STX8: variants seen among roughly 807,000 people sequenced by gnomAD.
The protein encoded by STX8 is syntaxin-8.
In STX8, 23 loss-of-function variants were observed where a neutral mutation model predicts 37.5. That is an observed-to-expected ratio of 0.61 (90% confidence interval 0.44 to 0.87). The LOEUF (loss-of-function observed/expected upper bound fraction) is 0.87, where lower values mean the gene tolerates loss of function less well. Ranked by LOEUF, STX8 falls within the 40% of genes least tolerant of loss-of-function variation. The pLI, the probability that STX8 is intolerant of heterozygous loss-of-function variation, is 0.00. For missense variants in STX8, 313 were observed against 284.7 expected, an observed-to-expected ratio of 1.10 and a Z score of -0.71; for synonymous variants, 115 against 99.1, an observed-to-expected ratio of 1.16 and a Z score of -0.95.
At chr17:9,570,879 C>T (rs1204797547) in intron 1 of STX8, among the ~76,000 whole-genome samples, 4 of 152,036 alleles carry the variant, frequency 2.6e-5, no homozygotes, top group Non-Finnish European at 5.9e-5. Context: ...TGGATGACCA[C>T]GAAGTTAAAG....
intron 6 of STX8, among the ~76,000 whole-genome samples, chr17:9,490,821 G>C (rs1447136584): frequency 1.3e-5 from 2 of 152,162 alleles, no homozygotes; most frequent in African/African-American, 4.8e-5. Flanking sequence ...CAGAAGACCT[G>C]AGCTGGAGTT....
chr17:9,567,077 TTG>T (rs1417280380), intron 2 of STX8, among the ~76,000 whole-genome samples: 1 of 152,166 alleles, frequency 6.6e-6, no homozygotes, highest in Admixed American at 6.5e-5. Context: ...GTTCACTCTG[TTG>T]ATATAAGAGA....
chr17:9,323,946 G>A (rs1193047413), intron 7 of STX8, among the ~76,000 whole-genome samples: 1 of 152,164 alleles, frequency 6.6e-6, no homozygotes, highest in Non-Finnish European at 1.5e-5. Context: ...CCTGCTGGGG[G>A]AATGGGACAC....
intron 7 of STX8, among the ~76,000 whole-genome samples, chr17:9,350,456 T>G (rs1910668870): frequency 6.6e-6 from 1 of 152,226 alleles, no homozygotes; most frequent in Non-Finnish European, 1.5e-5. Flanking sequence ...GCTCTTCTGA[T>G]TGACCCTAGA....
chr17:9,559,559 T>C (rs1215297371), intron 2 of STX8, among the ~76,000 whole-genome samples: 1 of 150,900 alleles, frequency 6.6e-6, no homozygotes, highest in Non-Finnish European at 1.5e-5. Flanking sequence ...AATAGAACAC[T>C]ACTGCCTTAA....
intron 7 of STX8, among the ~76,000 whole-genome samples, 183 bp from the exon 8 acceptor site, chr17:9,250,828 G>T (rs949150011): frequency 2.0e-5 from 3 of 152,056 alleles, no homozygotes; most frequent in Non-Finnish European, 2.9e-5. Flanking sequence ...TGGCTTTGCA[G>T]GATGCTGAGT....
rs182883839 is a variant in STX8 at position 9,507,077 on chromosome 17, A to T, written c.324-1915T>A. ...GGGCAAACCCACTCTTGAGCCAACC[A>T]AACTGCTGCATACCCTCCTGCAAGC... On this transcript the variant is annotated intron_variant, in intron 4 of 7. Coordinates refer to ENST00000306357, the MANE Select transcript of STX8 (RefSeq NM_004853.3). This position sits in a 1 kb window ranked among gnomAD's most constrained non-coding sequence, Gnocchi z 4.0. 6.6e-6 allele frequency among the ~76,000 whole-genome samples: 1 copy of T among 151,984 alleles called. No homozygotes were observed. Among genetic ancestry groups the T allele is most frequent in the East Asian group, 1.9e-4 (1 of 5,136 alleles).
chr17:9,324,784 AAAAG>A (rs1163188320), intron 7 of STX8, among the ~76,000 whole-genome samples: 1 of 151,508 alleles, frequency 6.6e-6, no homozygotes, highest in Non-Finnish European at 1.5e-5. Flanking sequence ...AAAAAAAAAA[AAAAG>A]AGAAGAGCTG....
intron 6 of STX8, among the ~76,000 whole-genome samples, chr17:9,488,692 C>T (rs1460026255): frequency 2.6e-5 from 4 of 152,132 alleles, no homozygotes; most frequent in Non-Finnish European, 5.9e-5. Context: ...TATGAATTCT[C>T]CCCTACATCC....
At chr17:9,266,467 C>T (rs950730747) in intron 7 of STX8, among the ~76,000 whole-genome samples, 16 of 152,196 alleles carry the variant, frequency 1.1e-4, no homozygotes, top group Admixed American at 7.2e-4. Flanking sequence ...TTTACTTCAG[C>T]GCCGTGCTGG....
At chr17:9,286,080 C>G (rs1411255637) in intron 7 of STX8, among the ~76,000 whole-genome samples, 2 of 152,032 alleles carry the variant, frequency 1.3e-5, no homozygotes, top group African/African-American at 4.8e-5. Context: ...GGATGAAAAA[C>G]TCAACTTGAA....
chr17:9,543,888 T>G (rs1906385547), intron 4 of STX8, among the ~76,000 whole-genome samples: 1 of 152,228 alleles, frequency 6.6e-6, no homozygotes, highest in Non-Finnish European at 1.5e-5. Context: ...TTTCACAGTT[T>G]CTTCATGGAA....
In STX8 at chr17:9,505,046, A is replaced by AT. The variant is rs1904770300; in HGVS notation, c.439dup (p.Ile147AsnfsTer10). The AT allele has an allele frequency of 6.2e-7, 1 of 1,610,148 alleles. No individual in the cohort carries two copies. The highest frequency in any genetic ancestry group is 1.1e-5 in the South Asian group (1 of 90,972). On this transcript the variant is annotated frameshift_variant, in exon 5 of 8. Transcript: ENST00000306357. LOFTEE classifies it high-confidence loss of function. ...CTCAGGATATTTAGTACCTTGGATA[A>AT]TTTTCTGCTGCTGTTGCCGGATTTC... is the stretch of plus-strand genomic sequence containing the variant.
At chr17:9,441,096 G>A (rs536581910) in intron 6 of STX8, among the ~76,000 whole-genome samples, 1 of 152,256 alleles carries the variant, frequency 6.6e-6, no homozygotes, top group East Asian at 1.9e-4. Context: ...GAGGCGTGAA[G>A]ATGTACTCAA....
At chr17:9,288,354 G>A (rs889622254) in intron 7 of STX8, among the ~76,000 whole-genome samples, 10 of 152,044 alleles carry the variant, frequency 6.6e-5, no homozygotes, top group African/African-American at 2.4e-4. Context: ...GAAAAAGGAA[G>A]ACAGCAGCTA....
chr17:9,337,212 T>G (rs573509550), intron 7 of STX8, among the ~76,000 whole-genome samples: 1 of 152,266 alleles, frequency 6.6e-6, no homozygotes, highest in African/African-American at 2.4e-5. Context: ...GAGAAAAGGC[T>G]TTTTCCCAGA....
chr17:9,547,766 C>T (rs966645524), intron 3 of STX8, among the ~76,000 whole-genome samples: 2 of 149,262 alleles, frequency 1.3e-5, no homozygotes, highest in South Asian at 2.1e-4. Context: ...TACATTCTTT[C>T]CTTTTCTTTT....
chr17:9,271,765 A>AAAAAG (rs1555585890), intron 7 of STX8, among the ~76,000 whole-genome samples: 11 of 151,050 alleles, frequency 7.3e-5, no homozygotes, highest in African/African-American at 2.4e-4. Context: ...AAAAAAAAAA[A>AAAAAG]AAAGAAAGAA....
intron 6 of STX8, among the ~76,000 whole-genome samples, chr17:9,390,610 G>A (rs539548976): frequency 8.1e-4 from 122 of 150,948 alleles, no homozygotes; most frequent in Admixed American, 2.2e-3. Context: ...GGTGGATCAC[G>A]AGGTCAGGAG....
Sources: gnomAD v4.1 joint callset for allele counts (sites outside exome capture counted in the v4.1 genomes callset) on GRCh38, gnomAD v4.1.1 for gene constraint, Gnocchi (gnomAD v3.1) non-coding constraint, MANE v1.5 for transcripts, NCBI Gene and HGNC (gene_info 2026-07-23, HGNC 2026-07-21) for gene names.